The following DIXDC1 variants were observed in gnomAD, a reference collection of about 807,000 sequenced individuals.
DIXDC1 encodes dixin.
Under a neutral mutation model 103.1 loss-of-function variants are expected in DIXDC1, and 64 were observed. That is an observed-to-expected ratio of 0.62 (90% CI 0.51 to 0.76). The LOEUF is 0.76. Ranked by LOEUF, DIXDC1 falls within the 30% of genes least tolerant of loss-of-function variation. The probability of loss-of-function intolerance (pLI) is 0.00; values close to 1 mark genes in which losing one functional copy is unlikely to be tolerated. For missense variants in DIXDC1, 759 were observed against 834.2 expected, an observed-to-expected ratio of 0.91 and a Z score of 1.11; for synonymous variants, 266 against 298.5, an observed-to-expected ratio of 0.89 and a Z score of 1.12.
chr11:111,950,847 A>G (rs1966781582), intron 1 of DIXDC1, among the ~76,000 whole-genome samples: 1 of 152,184 alleles, frequency 6.6e-6, no homozygotes, highest in African/African-American at 2.4e-5. Flanking sequence ...GGTATCCATC[A>G]CCACAAACAT....
At chr11:112,005,076 A>T (rs996435819) in intron 17 of DIXDC1, among the ~76,000 whole-genome samples, 1 of 152,250 alleles carries the variant, frequency 6.6e-6, no homozygotes, top group African/African-American at 2.4e-5. Flanking sequence ...TCAGACAAGG[A>T]ATTTAAAGTA....
At chr11:112,000,478 C>A (rs1166646342) in intron 17 of DIXDC1, among the ~76,000 whole-genome samples, 1 of 152,126 alleles carries the variant, frequency 6.6e-6, no homozygotes, top group East Asian at 1.9e-4. Context: ...GTGGGCAGAT[C>A]ATGAGGTCAG....
At chr11:111,937,168 G>A (rs1966227614), upstream of DIXDC1, 1 of 980,086 alleles carries the variant, frequency 1.0e-6, no homozygotes, top group African/African-American at 1.9e-5. Flanking sequence ...GGCGTGCAGC[G>A]CGCGCCCTCG....
At chr11:111,942,983 C>T (rs1413770719) in intron 1 of DIXDC1, among the ~76,000 whole-genome samples, 2 of 152,106 alleles carry the variant, frequency 1.3e-5, no homozygotes, top group Non-Finnish European at 2.9e-5. Flanking sequence ...CCTTGGCAGT[C>T]GTTCCAATAA....
At chr11:111,995,172 C>A in intron 15 of DIXDC1, 64 bp downstream of exon 15, 2 of 1,544,444 alleles carry the variant, frequency 1.3e-6, no homozygotes, top group Middle Eastern at 1.7e-4. Context: ...AGTGCCAAAG[C>A]CATGGCCAGT....
chr11:111,929,039 C>G (rs1231740696), intron 1 of DIXDC1, among the ~76,000 whole-genome samples: 1 of 152,034 alleles, frequency 6.6e-6, no homozygotes, highest in Non-Finnish European at 1.5e-5. Context: ...ATTAGCTGGG[C>G]ATGGTGGCAC....
At chr11:111,930,034 T>C (rs1555167510) in intron 2 of DIXDC1, 2 of 786,564 alleles carry the variant, frequency 2.5e-6, no homozygotes, top group Non-Finnish European at 3.7e-6. Flanking sequence ...TATATTTGTC[T>C]TTTTTTTTGC....
chr11:111,937,305 C>T, upstream of DIXDC1: 1 of 1,336,518 alleles, frequency 7.5e-7, no homozygotes, highest in East Asian at 3.0e-5. Flanking sequence ...GCCCCTCCAG[C>T]GGAGGCCCCC....
chr11:111,931,159 C>T (rs1966002725), intron 2 of DIXDC1, among the ~76,000 whole-genome samples: 1 of 151,652 alleles, frequency 6.6e-6, no homozygotes, highest in Non-Finnish European at 1.5e-5. Context: ...TGGCCGAGAC[C>T]CCCCCTTTCT....
intron 1 of DIXDC1, among the ~76,000 whole-genome samples, chr11:111,951,969 G>A (rs904308001): frequency 4.0e-5 from 6 of 151,594 alleles, no homozygotes; most frequent in Admixed American, 6.6e-5. Flanking sequence ...AGGTTCAAGC[G>A]GTTCTCCTAC....
rs1472591358 is a variant in DIXDC1 at position 111,998,338 on chromosome 11, C to A, written c.1756+2192C>A. ...GTTTTCCTTCTAGTCCCTCTTGAAT[C>A]TCCTTTTATTCTGCTCTAATTCTTG... is the stretch of plus-strand genomic sequence containing the variant. On this transcript the variant is annotated intron_variant, in intron 17 of 19. Transcript: ENST00000440460. This position sits in a 1 kb window ranked among gnomAD's most constrained non-coding sequence, Gnocchi z 4.1. 3.9e-5 allele frequency among the ~76,000 whole-genome samples: 6 copies of A among 152,114 alleles called. No homozygotes were observed. Among genetic ancestry groups the A allele is most frequent in the Non-Finnish European group, 2.9e-5 (2 of 68,022 alleles).
intron 1 of DIXDC1, among the ~76,000 whole-genome samples, chr11:111,959,112 A>G (rs1170801105): frequency 2.0e-5 from 3 of 152,198 alleles, no homozygotes; most frequent in African/African-American, 4.8e-5. Context: ...TTCTTCCTGG[A>G]TGCAGGGCAG....
exon 2 of DIXDC1, chr11:111,929,835 C>T: frequency 6.5e-7 from 1 of 1,534,140 alleles, no homozygotes; most frequent in Non-Finnish European, 8.7e-7. Flanking sequence ...TGATTCGTCT[C>T]TTCTAGGGAC....
At chr11:111,970,309 C>G (rs1418532543) in intron 3 of DIXDC1, among the ~76,000 whole-genome samples, 1 of 152,152 alleles carries the variant, frequency 6.6e-6, no homozygotes, top group East Asian at 1.9e-4. Context: ...CCTGCCTCAG[C>G]CTCCCAAAGT....
intron 3 of DIXDC1, among the ~76,000 whole-genome samples, chr11:111,970,812 A>G (rs1592579160): frequency 6.6e-6 from 1 of 152,356 alleles, no homozygotes; most frequent in East Asian, 1.9e-4. Context: ...GAACCCAGAA[A>G]TAAAGTTCCA....
At chr11:111,949,212 G>A (rs1372084285) in intron 1 of DIXDC1, among the ~76,000 whole-genome samples, 2 of 152,018 alleles carry the variant, frequency 1.3e-5, no homozygotes, top group Middle Eastern at 3.2e-3. Flanking sequence ...TCTCAAACAT[G>A]GATCTCCCAC....
intron 1 of DIXDC1, among the ~76,000 whole-genome samples, chr11:111,960,608 A>C (rs1292847789): frequency 2.7e-5 from 4 of 149,634 alleles, no homozygotes; most frequent in South Asian, 4.2e-4. Context: ...AAAAAAAAAA[A>C]AGAAAAGAAA....
chr11:111,994,435 A>G (rs1481105481), intron 14 of DIXDC1, among the ~76,000 whole-genome samples: 2 of 151,652 alleles, frequency 1.3e-5, no homozygotes, highest in African/African-American at 4.8e-5. Context: ...ATATATATAC[A>G]CTCACACATA....
At position 111,937,458 on chromosome 11, in the gene DIXDC1, G is replaced by A. The variant is rs1555168288; in HGVS notation, c.-42G>A. 1.3e-6 allele frequency: 2 copies of A among 1,554,662 alleles called. No homozygotes were observed. The highest frequency in any genetic ancestry group is 2.4e-5 in the East Asian group (1 of 41,268). The stretch of plus-strand genomic sequence containing the variant: ...GGAGGAGGAGGAGGCGGCGGCGGCC[G>A]CCGGGCTGGAGACCCCGCCCGGGGA... On this transcript the variant is annotated 5_prime_UTR_variant, in exon 1 of 20. Coordinates refer to ENST00000440460, the MANE Select transcript of DIXDC1 (RefSeq NM_001037954.4).
Sources: gnomAD v4.1 joint callset for allele counts (sites outside exome capture counted in the v4.1 genomes callset) on GRCh38, gnomAD v4.1.1 for gene constraint, Gnocchi (gnomAD v3.1) non-coding constraint, MANE v1.5 for transcripts, NCBI Gene and HGNC (gene_info 2026-07-23, HGNC 2026-07-21) for gene names.